The following MAP3K14 variants were observed in gnomAD, a reference collection of about 807,000 sequenced individuals.
MAP3K14 encodes the protein NF-kappa-beta-inducing kinase.
MAP3K14 carries 16 observed loss-of-function variants against 99.2 expected under a neutral mutation model. The observed-to-expected ratio is 0.16, with a 90% CI of 0.11 to 0.24. The LOEUF (loss-of-function observed/expected upper bound fraction) is 0.24, where lower values mean the gene tolerates loss of function less well. Ranked by LOEUF, MAP3K14 falls within the 10% of genes least tolerant of loss-of-function variation. MAP3K14 has a pLI of 1.00. For synonymous variants in MAP3K14, 462 were observed against 492.4 expected, an observed-to-expected ratio of 0.94 and a Z score of 0.82; for missense variants, 784 against 1,208.7, an observed-to-expected ratio of 0.65 and a Z score of 5.21.
At chr17:45,270,296 C>T in intron 11 of MAP3K14, 117 bp downstream of exon 11, 1 of 1,290,020 alleles carries the variant, frequency 7.8e-7, no homozygotes, top group Non-Finnish European at 1.0e-6. Flanking sequence ...CCCCCATAAT[C>T]CAGAGGGGGA....
At chr17:45,266,391 G>T in intron 14 of MAP3K14, 146 bp downstream of exon 14, 1 of 1,048,836 alleles carries the variant, frequency 9.5e-7, no homozygotes, top group Non-Finnish European at 1.4e-6. Flanking sequence ...CCAACTTACT[G>T]GCCAGGAACC....
intron 6 of MAP3K14, 121 bp from the exon 7 acceptor site, chr17:45,274,714 C>A (rs578261227): frequency 1.5e-6 from 2 of 1,291,576 alleles, no homozygotes; most frequent in Non-Finnish European, 1.0e-6. Flanking sequence ...AGTGGTGATG[C>A]AGGGGCCTGG....
At chr17:45,274,000 T>A in intron 8 of MAP3K14, 123 bp downstream of exon 8, 1 of 1,163,392 alleles carries the variant, frequency 8.6e-7, no homozygotes, top group East Asian at 2.5e-5. Context: ...CACAGTCCTG[T>A]CAGCCTGACT....
At chr17:45,287,429 C>T in intron 3 of MAP3K14, 65 bp from the exon 4 acceptor site, 7 of 1,388,292 alleles carry the variant, frequency 5.0e-6, no homozygotes, top group Non-Finnish European at 6.1e-6. Context: ...CTGGTCCAGA[C>T]ACTTGTATCT....
intron 6 of MAP3K14, among the ~76,000 whole-genome samples, chr17:45,281,159 C>T (rs762607275): frequency 4.6e-5 from 7 of 151,388 alleles, no homozygotes; most frequent in East Asian, 2.0e-4. Context: ...TGCAGTGGTA[C>T]GATCTTGGCT....
At chr17:45,314,644 T>C (rs2044514752) in intron 1 of MAP3K14, among the ~76,000 whole-genome samples, 1 of 151,098 alleles carries the variant, frequency 6.6e-6, no homozygotes, top group South Asian at 2.1e-4. Context: ...AACCTTGAGA[T>C]GATGGAAGCC....
At chr17:45,277,033 T>C (rs537206753) in intron 6 of MAP3K14, among the ~76,000 whole-genome samples, 29 of 150,264 alleles carry the variant, frequency 1.9e-4, no homozygotes, top group Non-Finnish European at 3.1e-4. Context: ...TTTCACCACG[T>C]TGGCCAGGCT....
chr17:45,287,170 C>T lies in MAP3K14; in HGVS notation c.521G>A (p.Cys174Tyr), dbSNP rs184263319. 6.5e-4 allele frequency: 1,041 copies of T among 1,613,668 alleles called. 10 individuals carry two copies. The Admixed American group carries it at 0.016, about 25-fold the overall frequency. Residue 174 changes from cysteine (C) to tyrosine (Y), a missense_variant, in exon 4 of 16, where the codon TGC becomes TAC. Physicochemically the swap from Cys to Tyr is radical, Grantham distance 194 (BLOSUM62 -2). Around this residue, in one of 5 missense-constraint regions of MAP3K14, gnomAD observed 188 missense variants for 313.0 expected, o/e 0.60. Transcript: ENST00000344686. ...GGGTCTCACCTGCACTGGGATGGTG[C>T]AGCTCTCCTGCTCAGGGGTCCTGGG... ...PLPRTPEQES[C>Y]TIPVQEDESP...
chr17:45,298,010 T>C (rs1205068825), intron 1 of MAP3K14, among the ~76,000 whole-genome samples: 1 of 152,184 alleles, frequency 6.6e-6, no homozygotes, highest in East Asian at 1.9e-4. Context: ...TGAGCCACCA[T>C]GTCTGGCCAG....
At chr17:45,275,938 T>A (rs1256059111) in intron 6 of MAP3K14, among the ~76,000 whole-genome samples, 1 of 151,916 alleles carries the variant, frequency 6.6e-6, no homozygotes, top group Non-Finnish European at 1.5e-5. Flanking sequence ...ATTTTTGTAT[T>A]TTTTAGTAGA....
chr17:45,275,504 A>G (rs1037869871), intron 6 of MAP3K14, among the ~76,000 whole-genome samples: 1 of 150,972 alleles, frequency 6.6e-6, no homozygotes, highest in Non-Finnish European at 1.5e-5. Context: ...ACAAAAAAAA[A>G]CCCACAAAAA....
chr17:45,276,306 C>CTCCACCTTTTA (rs2044179763), intron 6 of MAP3K14, among the ~76,000 whole-genome samples: 1 of 152,150 alleles, frequency 6.6e-6, no homozygotes, highest in Non-Finnish European at 1.5e-5. Flanking sequence ...TAGATCCTGG[C>CTCCACCTTTTA]TCCGCCTTTT....
intron 2 of MAP3K14, among the ~76,000 whole-genome samples, chr17:45,289,781 A>G (rs1357791687): frequency 2.0e-5 from 3 of 152,194 alleles, no homozygotes; most frequent in East Asian, 1.9e-4. Context: ...ACCAGGAGGA[A>G]GTGGGAGACG....
In MAP3K14 at chr17:45,316,466, G is replaced by A. The variant is rs189192085; in HGVS notation, c.-21+494C>T. On this transcript the variant is annotated intron_variant, in intron 1 of 15. Coordinates refer to ENST00000344686, the MANE Select transcript of MAP3K14 (RefSeq NM_003954.5). ...CAGCACTGCCCCGCTGCATGCTGAG[G>A]ACAGGCTTAGCTCCTGCTCCCCGCC... is the stretch of plus-strand genomic sequence containing the variant. Among the ~76,000 whole-genome samples, 191 of 152,370 alleles carry A rather than the reference G, an allele frequency of 1.3e-3. 1 individual carries two copies. The highest frequency in any genetic ancestry group is 4.3e-3 in the African/African-American group (177 of 41,592).
intron 11 of MAP3K14, chr17:45,268,442 G>A (rs2044115111): frequency 6.6e-6 from 1 of 152,002 alleles, no homozygotes; most frequent in Non-Finnish European, 1.5e-5. Flanking sequence ...TTAAAGAGAT[G>A]AGGTCTCATC....
intron 1 of MAP3K14, among the ~76,000 whole-genome samples, chr17:45,307,267 A>T (rs930822452): frequency 1.3e-4 from 20 of 151,200 alleles, no homozygotes; most frequent in Admixed American, 3.3e-4. Flanking sequence ...CAAAAAATTA[A>T]AAAAAAAAAT....
intron 5 of MAP3K14, among the ~76,000 whole-genome samples, chr17:45,285,968 A>T (rs1011235751): frequency 1.8e-4 from 19 of 104,580 alleles, no homozygotes; most frequent in African/African-American, 4.3e-4. Context: ...CACATTTATT[A>T]AAAAAAAAAA....
chr17:45,288,001 A>G (rs2044280777), intron 3 of MAP3K14, among the ~76,000 whole-genome samples: 1 of 152,126 alleles, frequency 6.6e-6, no homozygotes, highest in African/African-American at 2.4e-5. Flanking sequence ...CTGGACTGGG[A>G]TCCCTGCCAA....
chr17:45,311,403 T>C (rs2044477797), intron 1 of MAP3K14, among the ~76,000 whole-genome samples: 1 of 152,228 alleles, frequency 6.6e-6, no homozygotes, highest in South Asian at 2.1e-4. Context: ...TAGTTGGTCC[T>C]GGACATTGCT....
Sources: allele counts gnomAD v4.1 joint callset (sites outside exome capture counted in the v4.1 genomes callset), GRCh38; gene constraint gnomAD v4.1.1; regional missense constraint gnomAD v4.1.1; transcripts MANE v1.5; gene names NCBI Gene and HGNC (gene_info 2026-07-23, HGNC 2026-07-21).